TANC1: variants seen among roughly 807,000 people sequenced by gnomAD.
TANC1 encodes tetratricopeptide repeat, ankyrin repeat and coiled-coil containing 1.
A neutral mutation model predicts 149.7 loss-of-function variants in TANC1; 77 were observed. That is an observed-to-expected ratio of 0.51 (90% CI 0.43 to 0.62). The LOEUF (loss-of-function observed/expected upper bound fraction) is 0.62. Ranked by LOEUF, TANC1 falls within the 20% of genes least tolerant of loss-of-function variation. TANC1 has a pLI of 0.00. For synonymous variants in TANC1, 854 were observed against 925.0 expected (o/e 0.92, Z 1.39); for missense variants, 1,985 against 2,321.8 (o/e 0.85, Z 2.98).
chr2:159,019,653 GTTTTTTTTTTTTTTTTTTTTTT>G lies in TANC1; in HGVS notation c.-16+18476_-16+18497del, dbSNP rs55746240. ...CCTAACTGCAGCTTGCTTTCTTTCT[GTTTTTTTTTTTTTTTTTTTTTT>G]TTTTTTTTTTTGAGGCAGAGTCTTG... On this transcript the variant is annotated intron_variant, in intron 2 of 26. Transcript: ENST00000263635. Among the ~76,000 whole-genome samples, 34 of 73,310 alleles carry G rather than the reference GTTTTTTTTTTTTTTTTTTTTTT, an allele frequency of 4.6e-4. 2 individuals are homozygous for G. The highest frequency in any genetic ancestry group is 4.5e-3 in the Admixed American group (25 of 5,562). 48.1% of individuals were successfully genotyped at this position (73,310 alleles called of 152,430 possible). A position where few individuals can be genotyped will look rare whatever the true frequency, so the allele number is the denominator to read the frequency against.
intron 2 of TANC1, among the ~76,000 whole-genome samples, chr2:159,025,152 C>T (rs2039161303): frequency 6.9e-6 from 1 of 145,976 alleles, no homozygotes; most frequent in Admixed American, 6.8e-5. Context: ...TTCTTTCTTT[C>T]TCTTTCTCTT....
intron 5 of TANC1, among the ~76,000 whole-genome samples, chr2:159,144,429 A>G (rs3948583): frequency 0.24 from 36,897 of 152,156 alleles, 5,453 homozygotes; most frequent in Non-Finnish European, 0.35. Context: ...AGGCTGGAGT[A>G]CAGTGGCACA....
intron 2 of TANC1, among the ~76,000 whole-genome samples, chr2:159,014,601 A>G (rs1284675388): frequency 6.6e-6 from 1 of 152,228 alleles, no homozygotes; most frequent in African/African-American, 2.4e-5. Flanking sequence ...TCAGAAGTCC[A>G]TAGTCCAAAG....
At chr2:158,990,022 TCTCCTGCCTCAGC>T (rs938918375) in intron 1 of TANC1, among the ~76,000 whole-genome samples, 2 of 152,044 alleles carry the variant, frequency 1.3e-5, no homozygotes, top group Non-Finnish European at 1.5e-5. Context: ...TTCAAGCGAT[TCTCCTGCCTCAGC>T]CTCCTGAGTA....
intron 2 of TANC1, among the ~76,000 whole-genome samples, chr2:159,031,831 A>T (rs112654088): frequency 6.6e-6 from 1 of 152,310 alleles, no homozygotes; most frequent in African/African-American, 2.4e-5. Flanking sequence ...GGCATGCATA[A>T]CAGTACAGAA....
At chr2:159,110,857 C>T (rs887497069) in intron 4 of TANC1, among the ~76,000 whole-genome samples, 1 of 152,180 alleles carries the variant, frequency 6.6e-6, no homozygotes, top group Non-Finnish European at 1.5e-5. Context: ...ACCCTCTGGT[C>T]TGTGTTTTCT....
chr2:159,084,197 C>G (rs2044590108), intron 3 of TANC1, among the ~76,000 whole-genome samples: 1 of 151,740 alleles, frequency 6.6e-6, no homozygotes, highest in South Asian at 2.1e-4. Context: ...GTGCAGTGAG[C>G]CGAGATCGTG....
intron 1 of TANC1, among the ~76,000 whole-genome samples, chr2:158,971,025 A>G (rs1008159660): frequency 6.6e-6 from 1 of 152,200 alleles, no homozygotes; most frequent in Non-Finnish European, 1.5e-5. Flanking sequence ...TCTGCTTCCC[A>G]TAACAGCCTG....
chr2:159,230,226 G>A lies in TANC1; in HGVS notation c.4800G>A (p.Arg1600=). ...TRAGCGHFGD[R]LGPSQNVRLQ... ...CTGGTTGTGGCCACTTTGGGGATCGGCTGGGCCCCAGCCAGAATGTCCGCC... is the reference window on the plus strand; with the variant it reads ...CTGGTTGTGGCCACTTTGGGGATCGACTGGGCCCCAGCCAGAATGTCCGCC... Residue 1600 remains arginine (R), a synonymous_variant, in exon 27 of 27, where the codon CGG becomes CGA. Coordinates refer to ENST00000263635, the MANE Select transcript of TANC1 (RefSeq NM_033394.3). This position sits in a 1 kb window ranked among gnomAD's most constrained non-coding sequence, Gnocchi z 4.4. The A allele has an allele frequency of 3.7e-6, 6 of 1,613,898 alleles. No individual in the cohort carries two copies. The highest frequency in any genetic ancestry group is 5.1e-6 in the Non-Finnish European group (6 of 1,180,030).
Position 159,042,596 on chromosome 2 carries a change from C to T in TANC1, c.-15-23300C>T, listed in dbSNP as rs564815494. ...TGGTAGGAGGGGAGCTCAGGCAGAACGAAGCCAGTGCTGCAACTCAGAGGC... is the reference window on the plus strand; with the variant it reads ...TGGTAGGAGGGGAGCTCAGGCAGAATGAAGCCAGTGCTGCAACTCAGAGGC... On this transcript the variant is annotated intron_variant, in intron 2 of 26. Coordinates refer to ENST00000263635, the MANE Select transcript of TANC1 (RefSeq NM_033394.3). Among the ~76,000 whole-genome samples the T allele has an allele frequency of 8.5e-5, 13 of 152,106 alleles. 1 individual carries two copies. The highest frequency in any genetic ancestry group is 5.2e-4 in the Admixed American group (8 of 15,284).
At chr2:159,098,414 A>T (rs577108669) in intron 4 of TANC1, among the ~76,000 whole-genome samples, 7 of 152,340 alleles carry the variant, frequency 4.6e-5, no homozygotes, top group Non-Finnish European at 8.8e-5. Flanking sequence ...GCACAATGAC[A>T]AAATCACCTA....
chr2:159,185,277 G>A (rs1388876842), intron 14 of TANC1, among the ~76,000 whole-genome samples: 1 of 152,200 alleles, frequency 6.6e-6, no homozygotes, highest in Admixed American at 6.5e-5. Context: ...GAAATGGGCA[G>A]GAAAATAGGC....
chr2:159,013,811 C>T (rs1370231446), intron 2 of TANC1, among the ~76,000 whole-genome samples: 1 of 152,168 alleles, frequency 6.6e-6, no homozygotes, highest in African/African-American at 2.4e-5. Context: ...GCTTGAATAA[C>T]AGAAATGTAT....
At chr2:159,004,013 G>A in intron 2 of TANC1, 2 of 1,612,402 alleles carry the variant, frequency 1.2e-6, no homozygotes, top group South Asian at 1.1e-5. Flanking sequence ...GTATTGAAGA[G>A]GTGAACATGA....
intron 2 of TANC1, among the ~76,000 whole-genome samples, chr2:159,036,392 G>A (rs967301050): frequency 6.6e-6 from 1 of 152,022 alleles, no homozygotes; most frequent in African/African-American, 2.4e-5. Flanking sequence ...TAAGTTCTAG[G>A]GTACGTGTGC....
chr2:159,154,348 C>G (rs951410975), intron 7 of TANC1, among the ~76,000 whole-genome samples: 6 of 152,306 alleles, frequency 3.9e-5, no homozygotes, highest in Middle Eastern at 3.4e-3. Flanking sequence ...CCAGCAGATG[C>G]AGGGACAGGA....
chr2:159,219,171 T>C, intron 20 of TANC1, 67 bp from the exon 21 acceptor site: 1 of 1,599,794 alleles, frequency 6.3e-7, no homozygotes, highest in South Asian at 1.1e-5. Context: ...TTGAGAAACC[T>C]GCCTGGGTAT....
intron 21 of TANC1, 54 bp from the exon 22 acceptor site, chr2:159,219,638 T>C: frequency 6.2e-7 from 1 of 1,608,708 alleles, no homozygotes; most frequent in Non-Finnish European, 8.5e-7. Flanking sequence ...CAATTTGCTT[T>C]CTGGCTTTGT....
chr2:159,065,875 C>A (rs767658609), intron 2 of TANC1, 21 bp from the exon 3 acceptor site: 1 of 1,595,136 alleles, frequency 6.3e-7, no homozygotes, highest in Non-Finnish European at 8.6e-7. Context: ...TTCCTCTTCT[C>A]TCTGTTTCTT....
Sources: gnomAD v4.1 joint callset for allele counts (sites outside exome capture counted in the v4.1 genomes callset) on GRCh38, gnomAD v4.1.1 for gene constraint, Gnocchi (gnomAD v3.1) non-coding constraint, MANE v1.5 for transcripts, NCBI Gene and HGNC (gene_info 2026-07-23, HGNC 2026-07-21) for gene names.